Variants in CDS1 observed in about 807,000 individuals in gnomAD.
CDS1 encodes CDP-diacylglycerol synthase 1, also known as phosphatidate cytidylyltransferase 1.
Under a neutral mutation model 62.1 loss-of-function variants are expected in CDS1, and 41 were observed. That is an observed-to-expected ratio of 0.66 (90% CI 0.51 to 0.86). CDS1 has a LOEUF of 0.86. Among genes scored for constraint, CDS1 ranks in the 40% least tolerant of loss-of-function variants. The pLI is 0.00. For missense variants in CDS1, 470 were observed against 550.1 expected (o/e 0.85, Z 1.46); for synonymous variants, 185 against 192.6 (o/e 0.96, Z 0.32).
At chr4:84,584,562 G>C (rs1334842016) in intron 1 of CDS1, among the ~76,000 whole-genome samples, 7 of 152,162 alleles carry the variant, frequency 4.6e-5, no homozygotes, top group Admixed American at 2.0e-4. Flanking sequence ...TGGTTTATGT[G>C]GTTGCTGAGA....
intron 2 of CDS1, among the ~76,000 whole-genome samples, chr4:84,607,141 A>C (rs545621840): frequency 2.0e-5 from 3 of 152,336 alleles, no homozygotes; most frequent in Non-Finnish European, 2.9e-5. Context: ...AGAAACTCAT[A>C]AGCTGGAAAA....
rs184703547 is a variant in CDS1 at position 84,648,960 on chromosome 4, T to C, written c.*274T>C. 487 of 261,078 alleles carry C rather than the reference T, an allele frequency of 1.9e-3. 2 individuals carry two copies. The highest frequency in any genetic ancestry group is 8.7e-3 in the Middle Eastern group (7 of 808). 16.2% of individuals were successfully genotyped at this position (261,078 alleles called of 1,614,324 possible). On this transcript the variant is annotated 3_prime_UTR_variant, in exon 13 of 13. Coordinates refer to ENST00000295887, the MANE Select transcript of CDS1 (RefSeq NM_001263.4). ...CCCCTTACTTGCTAGGTTTCATAAT[T>C]TAAAAGACTGGTATTTAAAAGAGTC...
At chr4:84,588,307 T>C (rs1722478550) in intron 1 of CDS1, among the ~76,000 whole-genome samples, 1 of 152,156 alleles carries the variant, frequency 6.6e-6, no homozygotes, top group Non-Finnish European at 1.5e-5. Flanking sequence ...TCTCCTCCAT[T>C]TGAGATGTGT....
chr4:84,638,144 A>C lies in CDS1; in HGVS notation c.811-780A>C, dbSNP rs543633974. Among the ~76,000 whole-genome samples, 10 of 152,288 alleles carry C rather than the reference A, an allele frequency of 6.6e-5. No homozygotes were observed. The South Asian group carries it at 2.1e-3, about 32-fold the overall frequency. ...ATCACAGTCTTTATCTCCCCTGAGC[A>C]ACAACTTTCACTTTTTGCTCCTGAA... On this transcript the variant is annotated intron_variant, in intron 8 of 12. Transcript: ENST00000295887.
At chr4:84,638,008 T>C (rs1233816004) in intron 8 of CDS1, among the ~76,000 whole-genome samples, 2 of 152,222 alleles carry the variant, frequency 1.3e-5, no homozygotes, top group African/African-American at 4.8e-5. Flanking sequence ...AAGAAGTCTA[T>C]GAAGAGCTCC....
intron 1 of CDS1, among the ~76,000 whole-genome samples, chr4:84,599,405 C>CATATGTAT (rs1553902445): frequency 2.8e-3 from 68 of 24,696 alleles, no homozygotes; most frequent in African/African-American, 8.0e-3. Flanking sequence ...CACACACACA[C>CATATGTAT]ATATATATAT....
In CDS1 at chr4:84,638,930, C is replaced by T. The variant is rs1177401929; in HGVS notation, c.817C>T (p.Pro273Ser). 2 of 1,542,772 alleles carry T rather than the reference C, an allele frequency of 1.3e-6. No individual in the cohort carries two copies. Among genetic ancestry groups the T allele is most frequent in the East Asian group, 2.3e-5 (1 of 42,958 alleles). ...FGRTPLIKLSPKKTWEGFIGG... is the reference protein window; with the variant it reads ...FGRTPLIKLSSKKTWEGFIGG... The stretch of plus-strand genomic sequence containing the variant: ...TTTATTTGCCCTTTTTTAGTTGTCT[C>T]CTAAAAAGACTTGGGAAGGATTCAT... The change falls in exon 9 of 13, where the codon CCT becomes TCT. Residue 273 changes from proline to serine, a missense_variant. Transcript: ENST00000295887.
At chr4:84,587,539 A>G (rs1335461743) in intron 1 of CDS1, among the ~76,000 whole-genome samples, 1 of 152,172 alleles carries the variant, frequency 6.6e-6, no homozygotes, top group Non-Finnish European at 1.5e-5. Context: ...GAAGTGGATG[A>G]CCACAGATTC....
Position 84,649,618 on chromosome 4 carries a change from T to G in CDS1, c.*932T>G, listed in dbSNP as rs933734880. 1 of 152,200 alleles carries G rather than the reference T, an allele frequency of 6.6e-6. No homozygotes were observed. Among genetic ancestry groups the G allele is most frequent in the Non-Finnish European group, 1.5e-5 (1 of 68,120 alleles). The allele number at this position is 152,200 out of a possible 1,614,324, so 9.4% of individuals were successfully genotyped here. A position where few individuals can be genotyped will look rare whatever the true frequency, so the allele number is the denominator to read the frequency against. ...GCAGAGCAGGAGATGCTTGCCCGAGTGGGAGCAACCCACCCCCGTGTCCCC... is the reference window on the plus strand; with the variant it reads ...GCAGAGCAGGAGATGCTTGCCCGAGGGGGAGCAACCCACCCCCGTGTCCCC... On this transcript the variant is annotated 3_prime_UTR_variant, in exon 13 of 13. Transcript: ENST00000295887.
At chr4:84,646,746 T>A (rs543685824) in intron 12 of CDS1, among the ~76,000 whole-genome samples, 1 of 152,190 alleles carries the variant, frequency 6.6e-6, no homozygotes, top group African/African-American at 2.4e-5. Flanking sequence ...TCTGTAGTTT[T>A]GGGTTGTAGT....
intron 5 of CDS1, among the ~76,000 whole-genome samples, chr4:84,624,283 A>C (rs10006466): frequency 0.44 from 62,699 of 143,642 alleles, 15,242 homozygotes; most frequent in African/African-American, 0.67. Context: ...CAAAAAAAAA[A>C]AAACAAACAA....
intron 8 of CDS1, among the ~76,000 whole-genome samples, 185 bp downstream of exon 8, chr4:84,635,536 C>A (rs1007540588): frequency 1.3e-5 from 2 of 151,320 alleles, no homozygotes; most frequent in Non-Finnish European, 2.9e-5. Flanking sequence ...TTCATCAGCT[C>A]TTCTGTTGGC....
At chr4:84,609,192 A>AAG (rs1723235163) in intron 2 of CDS1, among the ~76,000 whole-genome samples, 1 of 151,640 alleles carries the variant, frequency 6.6e-6, no homozygotes, top group African/African-American at 2.4e-5. Context: ...AAAAAAAAAA[A>AAG]AAAAAAAAAG....
chr4:84,619,754 C>T (rs189219076), intron 5 of CDS1, among the ~76,000 whole-genome samples: 7 of 151,976 alleles, frequency 4.6e-5, no homozygotes, highest in Non-Finnish European at 7.4e-5. Context: ...CACTCCAGGC[C>T]GGGTGCGGTG....
intron 12 of CDS1, among the ~76,000 whole-genome samples, chr4:84,645,535 A>G (rs1724531731): frequency 6.6e-6 from 1 of 152,310 alleles, no homozygotes; most frequent in South Asian, 2.1e-4. Context: ...AGTATTTGTC[A>G]TGGTCCTGGA....
intron 5 of CDS1, among the ~76,000 whole-genome samples, chr4:84,622,306 G>A (rs906900618): frequency 2.6e-5 from 4 of 152,192 alleles, no homozygotes; most frequent in South Asian, 2.1e-4. Flanking sequence ...AAACAACTGC[G>A]GGCCAGGTGC....
intron 1 of CDS1, among the ~76,000 whole-genome samples, chr4:84,589,360 C>T (rs1223425534): frequency 6.6e-6 from 1 of 152,112 alleles, no homozygotes; most frequent in Non-Finnish European, 1.5e-5. Flanking sequence ...TTGTAAAAGC[C>T]TTATTGTGTT....
rs33991933 is a variant in CDS1 at position 84,619,044 on chromosome 4, TACACACACACAC to T, written c.441-319_441-308del. 8.4e-3 allele frequency among the ~76,000 whole-genome samples: 1,182 copies of T among 140,990 alleles called. 18 individuals carry two copies. Among genetic ancestry groups the T allele is most frequent in the African/African-American group, 0.026 (1,025 of 38,680 alleles). 92.5% of individuals were successfully genotyped at this position (140,990 alleles called of 152,430 possible). ...ACATACACACAAAGTATTAAATTTA[TACACACACACAC>T]ACACACACACACACACACACACACA... is the stretch of plus-strand genomic sequence containing the variant. On this transcript the variant is annotated intron_variant, in intron 4 of 12. Transcript: ENST00000295887.
intron 5 of CDS1, among the ~76,000 whole-genome samples, chr4:84,623,755 C>G (rs1057326144): frequency 6.6e-6 from 1 of 152,084 alleles, no homozygotes; most frequent in Non-Finnish European, 1.5e-5. Flanking sequence ...TTAACTTAGC[C>G]GTTCTAACCC....
Sources: gnomAD v4.1 joint callset for allele counts (sites outside exome capture counted in the v4.1 genomes callset) on GRCh38, gnomAD v4.1.1 for gene constraint, MANE v1.5 for transcripts, NCBI Gene and HGNC (gene_info 2026-07-23, HGNC 2026-07-21) for gene names.